The following FGF14 variants were observed in gnomAD, a reference collection of about 807,000 sequenced individuals.
FGF14 encodes the protein fibroblast growth factor homologous factor 4.
FGF14 carries 5 observed loss-of-function variants against 25.5 expected under a neutral mutation model. That is an observed-to-expected ratio of 0.20 (90% confidence interval 0.10 to 0.41). The LOEUF is 0.41. Ranked by LOEUF, FGF14 falls within the 10% of genes least tolerant of loss-of-function variation. FGF14 has a pLI of 1.00. For missense variants in FGF14, 222 were observed against 320.1 expected, an observed-to-expected ratio of 0.69 and a Z score of 2.34; for synonymous variants, 138 against 118.3, an observed-to-expected ratio of 1.17 and a Z score of -1.08.
chr13:101,754,512 T>C (rs1267695332), intron 3 of FGF14, among the ~76,000 whole-genome samples: 1 of 152,098 alleles, frequency 6.6e-6, no homozygotes, highest in African/African-American at 2.4e-5. Context: ...GTGGATCGCC[T>C]GAGGTCAGGA....
chr13:102,136,233 C>T (rs976288642), intron 1 of FGF14, among the ~76,000 whole-genome samples: 1 of 151,872 alleles, frequency 6.6e-6, no homozygotes, highest in Admixed American at 6.6e-5. Context: ...TTATTAGATG[C>T]CAAGTACTAG....
At chr13:102,384,752 C>T (rs536069609) in intron 1 of FGF14, among the ~76,000 whole-genome samples, 1 of 152,280 alleles carries the variant, frequency 6.6e-6, no homozygotes, top group East Asian at 1.9e-4. Flanking sequence ...ATTAAACCAT[C>T]GCTTCTGATC....
At chr13:101,810,615 T>C (rs1017122842) in intron 3 of FGF14, among the ~76,000 whole-genome samples, 2 of 152,190 alleles carry the variant, frequency 1.3e-5, no homozygotes, top group African/African-American at 4.8e-5. Context: ...CCCTCTCTTA[T>C]CTTGCCTTTG....
At chr13:102,069,827 T>A (rs528758014) in intron 1 of FGF14, among the ~76,000 whole-genome samples, 1 of 152,132 alleles carries the variant, frequency 6.6e-6, no homozygotes, top group South Asian at 2.1e-4. Context: ...ACCCACCAAT[T>A]CCAGACACAA....
At chr13:101,905,979 GA>G (rs1195705168) in intron 1 of FGF14, among the ~76,000 whole-genome samples, 2 of 152,120 alleles carry the variant, frequency 1.3e-5, no homozygotes, top group African/African-American at 4.8e-5. Context: ...AGAAGTATGA[GA>G]TGTGGTATGC....
At chr13:102,350,283 C>T (rs1298195094) in intron 1 of FGF14, among the ~76,000 whole-genome samples, 1 of 152,006 alleles carries the variant, frequency 6.6e-6, no homozygotes, top group Non-Finnish European at 1.5e-5. Flanking sequence ...GCAGGAGGAT[C>T]CCTTGAGCCC....
At chr13:101,918,566 T>C (rs1395459688), upstream of FGF14, among the ~76,000 whole-genome samples, 1 of 152,182 alleles carries the variant, frequency 6.6e-6, no homozygotes, top group Non-Finnish European at 1.5e-5. Flanking sequence ...TTTCTCTTTG[T>C]CTCAGGAATA....
intron 1 of FGF14, among the ~76,000 whole-genome samples, chr13:102,329,943 C>A (rs1374740221): frequency 1.3e-5 from 2 of 152,280 alleles, no homozygotes; most frequent in Non-Finnish European, 2.9e-5. Flanking sequence ...TAAATTTTCA[C>A]CAACTAATCT....
At chr13:101,729,062 T>C (rs1340379220) in intron 3 of FGF14, among the ~76,000 whole-genome samples, 3 of 152,038 alleles carry the variant, frequency 2.0e-5, no homozygotes, top group African/African-American at 7.2e-5. Context: ...TGACACTATA[T>C]CTTTTCAGAT....
rs78905437 is a variant in FGF14, at chr13:102,309,135, T to C, written c.208+92336A>G. On this transcript the variant is annotated intron_variant, in intron 1 of 4. Coordinates refer to the FGF14 transcript ENST00000376131. The stretch of plus-strand genomic sequence containing the variant: ...CACACAAATGCATACATGCATAACA[T>C]ACACACACACACACACACACACACA... 2.5e-3 allele frequency among the ~76,000 whole-genome samples: 361 copies of C among 142,562 alleles called. 3 individuals carry two copies. In the Middle Eastern group the frequency reaches 0.031, roughly 12 times the overall value. The allele number at this position is 142,562 out of a possible 152,430, so 93.5% of individuals were successfully genotyped here.
intron 1 of FGF14, among the ~76,000 whole-genome samples, chr13:102,121,642 C>A (rs546031864): frequency 1.1e-4 from 16 of 152,250 alleles, no homozygotes; most frequent in Non-Finnish European, 1.5e-4. Context: ...TTTATACACC[C>A]TTGTATTTTG....
At chr13:101,878,272 C>T (rs1323873787) in intron 1 of FGF14, among the ~76,000 whole-genome samples, 1 of 152,196 alleles carries the variant, frequency 6.6e-6, no homozygotes, top group Non-Finnish European at 1.5e-5. Flanking sequence ...TCTGTGTAGG[C>T]ATGCACCCAC....
At chr13:101,998,163 A>G (rs1191619832) in intron 1 of FGF14, among the ~76,000 whole-genome samples, 1 of 152,212 alleles carries the variant, frequency 6.6e-6, no homozygotes, top group Non-Finnish European at 1.5e-5. Context: ...TTCATATTAA[A>G]AAAAGCACTG....
intron 1 of FGF14, among the ~76,000 whole-genome samples, chr13:102,275,308 G>T (rs539840841): frequency 2.1e-4 from 29 of 139,304 alleles, no homozygotes; most frequent in Admixed American, 2.0e-3. Flanking sequence ...AATTCCAAAG[G>T]GGTCATATTT....
chr13:102,382,008 C>G (rs1320900018), intron 1 of FGF14, among the ~76,000 whole-genome samples: 1 of 152,126 alleles, frequency 6.6e-6, no homozygotes, highest in Admixed American at 6.6e-5. Context: ...AAACAGATCA[C>G]AGACCTATAT....
At chr13:102,144,828 A>G (rs2046787643) in intron 1 of FGF14, among the ~76,000 whole-genome samples, 1 of 152,212 alleles carries the variant, frequency 6.6e-6, no homozygotes. Context: ...AATAATTTTC[A>G]TCTAAAAGAA....
intron 1 of FGF14, among the ~76,000 whole-genome samples, chr13:101,892,971 G>A (rs2029980768): frequency 6.6e-6 from 1 of 152,140 alleles, no homozygotes; most frequent in South Asian, 2.1e-4. Flanking sequence ...GCAGGCAGTG[G>A]CAAGATCATA....
intron 1 of FGF14, among the ~76,000 whole-genome samples, chr13:102,113,434 C>A (rs1009354161): frequency 5.3e-5 from 8 of 152,160 alleles, no homozygotes; most frequent in African/African-American, 1.7e-4. Flanking sequence ...GAATACAACA[C>A]CCTTCTTTAA....
At chr13:101,860,086 G>A (rs1005305507) in intron 3 of FGF14, among the ~76,000 whole-genome samples, 2 of 151,968 alleles carry the variant, frequency 1.3e-5, no homozygotes, top group African/African-American at 2.4e-5. Context: ...GTTGTCGATG[G>A]TCTCAGGCTG....
Sources: gnomAD v4.1 joint callset for allele counts (sites outside exome capture counted in the v4.1 genomes callset) on GRCh38, gnomAD v4.1.1 for gene constraint, MANE v1.5 for transcripts, NCBI Gene and HGNC (gene_info 2026-07-23, HGNC 2026-07-21) for gene names.